The following MTUS2 variants were observed in gnomAD, a reference collection of about 807,000 sequenced individuals.
MTUS2 encodes the protein microtubule-associated tumor suppressor candidate 2.
In MTUS2, 40 loss-of-function variants were observed where a neutral mutation model predicts 114.1. That is an observed-to-expected ratio of 0.35 (90% CI 0.27 to 0.46). MTUS2 has a LOEUF of 0.46. MTUS2 is among the 20% of genes least tolerant of loss of function. The pLI is 1.00. For missense variants in MTUS2, 1,679 were observed against 1,705.4 expected (o/e 0.98, Z 0.27); for synonymous variants, 688 against 672.0 (o/e 1.02, Z -0.37).
chr13:29,373,427 C>A (rs1397692804), intron 8 of MTUS2, among the ~76,000 whole-genome samples: 1 of 152,144 alleles, frequency 6.6e-6, no homozygotes, highest in Non-Finnish European at 1.5e-5. Context: ...ACAAGGGGGG[C>A]ACCCAGGGAA....
At chr13:29,149,944 T>C (rs1593530597) in intron 5 of MTUS2, among the ~76,000 whole-genome samples, 1 of 152,152 alleles carries the variant, frequency 6.6e-6, no homozygotes, top group East Asian at 1.9e-4. Context: ...TGAAGTTGGG[T>C]AGTGTGATGC....
At chr13:29,380,382 A>T (rs12583166) in intron 8 of MTUS2, among the ~76,000 whole-genome samples, 15,180 of 152,282 alleles carry the variant, frequency 0.1, 795 homozygotes, top group Middle Eastern at 0.2. Context: ...TTGAAGCAAC[A>T]TATGTAAACA....
chr13:29,010,253 A>ATGCACAC (rs1292866181), intron 2 of MTUS2, among the ~76,000 whole-genome samples: 1 of 151,630 alleles, frequency 6.6e-6, no homozygotes, highest in Non-Finnish European at 1.5e-5. Context: ...TGACACACAC[A>ATGCACAC]TGCACACTTA....
rs141989585 is a variant in MTUS2 at position 29,049,728 on chromosome 13, G to A, written c.2446+15603G>A. 3.9e-5 allele frequency among the ~76,000 whole-genome samples: 6 copies of A among 152,286 alleles called. No individual in the cohort carries two copies. In the East Asian group the frequency reaches 7.7e-4, roughly 20 times the overall value. On this transcript the variant is annotated intron_variant, in intron 4 of 15. Transcript: ENST00000612955. Reference sequence around the variant, plus strand: ...AATCCCACGTTAGAGCAATGGGGCCGAGTAGATGCACAGGAGGCAGGAGTA... The same window carrying A: ...AATCCCACGTTAGAGCAATGGGGCCAAGTAGATGCACAGGAGGCAGGAGTA...
chr13:29,199,126 T>C (rs1894829094), intron 5 of MTUS2, among the ~76,000 whole-genome samples: 1 of 152,088 alleles, frequency 6.6e-6, no homozygotes. Context: ...AAAAGAGCCA[T>C]ATAGCCAAGA....
intron 2 of MTUS2, among the ~76,000 whole-genome samples, chr13:28,962,667 G>A (rs1051112363): frequency 2.6e-5 from 4 of 152,070 alleles, no homozygotes; most frequent in Non-Finnish European, 4.4e-5. Flanking sequence ...CCTTTTTTAG[G>A]TCTCCTTTGC....
rs143552454 is a variant in MTUS2 at position 29,153,125 on chromosome 13, G to T, written c.2644+52155G>T. Among the ~76,000 whole-genome samples, 414 of 152,220 alleles carry T rather than the reference G, an allele frequency of 2.7e-3. 2 individuals carry two copies. Among genetic ancestry groups the T allele is most frequent in the African/African-American group, 9.5e-3 (394 of 41,540 alleles). ...CTCCATGATGCCTTCAAGCTAAATT[G>T]TCTTGAATTCTGTCTGCAAGCCTCC... is the stretch of plus-strand genomic sequence containing the variant. On this transcript the variant is annotated intron_variant, in intron 5 of 15. Coordinates refer to ENST00000612955, the MANE Select transcript of MTUS2 (RefSeq NM_001033602.4).
At chr13:29,235,874 C>G (rs78098729) in intron 5 of MTUS2, among the ~76,000 whole-genome samples, 2,125 of 152,230 alleles carry the variant, frequency 0.014, 42 homozygotes, top group African/African-American at 0.048. Flanking sequence ...GCAACTTTCT[C>G]AATGATATTT....
intron 2 of MTUS2, among the ~76,000 whole-genome samples, chr13:28,868,409 G>A (rs1421549128): frequency 1.3e-5 from 2 of 152,122 alleles, no homozygotes; most frequent in Non-Finnish European, 2.9e-5. Flanking sequence ...TGCTGGGTTG[G>A]CGCCACAGCC....
chr13:29,134,293 T>C (rs1891882698), intron 5 of MTUS2, among the ~76,000 whole-genome samples: 1 of 152,196 alleles, frequency 6.6e-6, no homozygotes, highest in Non-Finnish European at 1.5e-5. Flanking sequence ...TAATTTGTGG[T>C]CTAGTATATG....
intron 1 of MTUS2, among the ~76,000 whole-genome samples, chr13:28,823,354 T>C (rs949003349): frequency 3.9e-5 from 6 of 152,242 alleles, no homozygotes; most frequent in African/African-American, 1.4e-4. Flanking sequence ...GCTTATAATA[T>C]CTACCACACA....
chr13:29,139,566 CACTTT>C (rs1593519317), intron 5 of MTUS2, among the ~76,000 whole-genome samples: 2 of 63,808 alleles, frequency 3.1e-5, no homozygotes, highest in Non-Finnish European at 5.9e-5. Context: ...GGACTTTGTT[CACTTT>C]ACTTAGTCCA....
chr13:28,838,199 A>G (rs1209846374), intron 1 of MTUS2, among the ~76,000 whole-genome samples: 1 of 152,222 alleles, frequency 6.6e-6, no homozygotes, highest in Non-Finnish European at 1.5e-5. Flanking sequence ...TGCTGATTTA[A>G]TGGGTCTCCT....
intron 9 of MTUS2, among the ~76,000 whole-genome samples, chr13:29,459,742 T>G (rs540125191): frequency 6.6e-6 from 1 of 152,342 alleles, no homozygotes; most frequent in South Asian, 2.1e-4. Flanking sequence ...AAAGAGATCC[T>G]TCTGTGACTT....
intron 5 of MTUS2, among the ~76,000 whole-genome samples, chr13:29,115,715 G>A (rs866813406): frequency 6.6e-6 from 1 of 152,166 alleles, no homozygotes; most frequent in Non-Finnish European, 1.5e-5. Context: ...TAAGGAAGGA[G>A]AGGTGGACTG....
chr13:28,979,795 C>T (rs900760921), intron 2 of MTUS2, among the ~76,000 whole-genome samples: 59 of 152,094 alleles, frequency 3.9e-4, no homozygotes, highest in African/African-American at 1.4e-3. Context: ...CATATCTTAA[C>T]GTTAGCATTA....
At chr13:28,875,946 G>A (rs1877903325) in intron 2 of MTUS2, among the ~76,000 whole-genome samples, 1 of 152,186 alleles carries the variant, frequency 6.6e-6, no homozygotes, top group South Asian at 2.1e-4. Context: ...ACTTGGCTGG[G>A]TAGCGGAATG....
intron 6 of MTUS2, among the ~76,000 whole-genome samples, chr13:29,290,343 G>T (rs1004525502): frequency 1.1e-4 from 17 of 151,904 alleles, no homozygotes; most frequent in Non-Finnish European, 2.5e-4. Context: ...TTGTTTGTTT[G>T]TTTTGAGATG....
chr13:28,891,858 CAAAAAAA>C (rs1169875500), intron 2 of MTUS2, among the ~76,000 whole-genome samples: 1,461 of 52,172 alleles, frequency 0.028, 17 homozygotes, highest in Non-Finnish European at 0.04. Context: ...GACTCTGTCT[CAAAAAAA>C]AAAAAAAAAA....
Sources: gnomAD v4.1 joint callset for allele counts (sites outside exome capture counted in the v4.1 genomes callset) on GRCh38, gnomAD v4.1.1 for gene constraint, MANE v1.5 for transcripts, NCBI Gene and HGNC (gene_info 2026-07-23, HGNC 2026-07-21) for gene names.